Variants in CUL5 observed in about 807,000 individuals in gnomAD.
The protein encoded by CUL5 is cullin-5.
In CUL5, 26 loss-of-function variants were observed where a neutral mutation model predicts 108.8. The observed-to-expected ratio is 0.24, with a 90% CI of 0.18 to 0.33. The LOEUF (loss-of-function observed/expected upper bound fraction) is 0.33, where lower values mean the gene tolerates loss of function less well. CUL5 is among the 10% of genes least tolerant of loss of function. The pLI, the probability that CUL5 is intolerant of heterozygous loss-of-function variation, is 1.00. For synonymous variants in CUL5, 334 were observed against 298.0 expected, an observed-to-expected ratio of 1.12 and a Z score of -1.25; for missense variants, 524 against 909.2, an observed-to-expected ratio of 0.58 and a Z score of 5.45.
At chr11:108,091,706 C>CACACACACACACAT (rs1180290955) in intron 13 of CUL5, among the ~76,000 whole-genome samples, 2 of 149,186 alleles carry the variant, frequency 1.3e-5, no homozygotes, top group Non-Finnish European at 3.0e-5. Flanking sequence ...CACACACACA[C>CACACACACACACAT]ACACACACAC....
chr11:108,009,841 G>C (rs1862019570), intron 1 of CUL5, among the ~76,000 whole-genome samples: 1 of 152,098 alleles, frequency 6.6e-6, no homozygotes, highest in African/African-American at 2.4e-5. Flanking sequence ...GAAATTCCGA[G>C]TCAGACCAGC....
chr11:108,085,057 A>C (rs1864186331), intron 11 of CUL5: 1 of 152,368 alleles, frequency 6.6e-6, no homozygotes. Flanking sequence ...GTATGGCCCA[A>C]CTGTTCTACT....
intron 2 of CUL5, among the ~76,000 whole-genome samples, chr11:108,045,630 G>C (rs1299492699): frequency 6.6e-6 from 1 of 152,138 alleles, no homozygotes. Flanking sequence ...TGGAGACTGA[G>C]GCAGGAGGAT....
intron 1 of CUL5, among the ~76,000 whole-genome samples, chr11:108,028,339 C>G (rs543408361): frequency 2.0e-5 from 3 of 152,152 alleles, no homozygotes; most frequent in Admixed American, 1.3e-4. Flanking sequence ...TCTCATATCT[C>G]AGATGCTTAC....
chr11:108,036,018 T>C (rs1378994244), intron 2 of CUL5, among the ~76,000 whole-genome samples: 2 of 152,180 alleles, frequency 1.3e-5, no homozygotes, highest in Admixed American at 1.3e-4. Flanking sequence ...AAGTCCTTTT[T>C]ACCTTGTCTT....
In CUL5 at chr11:108,046,307, C is replaced by A. The variant is rs1324894552; in HGVS notation, c.172C>A (p.Pro58Thr). 1.9e-6 allele frequency: 3 copies of A among 1,612,764 alleles called. No homozygotes were observed. In the African/African-American group the frequency reaches 4.0e-5, roughly 22 times the overall value. ...AGTCTGTCTTTGGGATGATAAAGGC[C>A]CAGCAAAAATTCATCAGGCTTTAAA... Reference protein sequence around the residue: ...HAVCLWDDKGPAKIHQALKED... With the variant: ...HAVCLWDDKGTAKIHQALKED... Residue 58 changes from proline (P) to threonine (T), a missense_variant, in exon 3 of 19, where the codon CCA (proline) becomes ACA (threonine). This residue lies in a region of CUL5 where 76 missense variants were observed against 90.8 expected (regional missense o/e 0.84). Transcript: ENST00000393094.
chr11:108,099,657 T>C (rs1188787323), intron 18 of CUL5, among the ~76,000 whole-genome samples: 2 of 152,208 alleles, frequency 1.3e-5, no homozygotes, highest in African/African-American at 4.8e-5. Context: ...GTGATAAATA[T>C]ATATACCTAT....
chr11:108,082,555 G>A (rs1864117216), intron 11 of CUL5, among the ~76,000 whole-genome samples: 1 of 152,108 alleles, frequency 6.6e-6, no homozygotes, highest in Non-Finnish European at 1.5e-5. Flanking sequence ...AGGATTACGG[G>A]CAGGAGCTAC....
chr11:108,061,920 T>C (rs180837974), intron 7 of CUL5, among the ~76,000 whole-genome samples: 3 of 152,112 alleles, frequency 2.0e-5, no homozygotes, highest in African/African-American at 7.2e-5. Context: ...AGAGAGAATG[T>C]GCAGGAGAAA....
At chr11:108,012,813 T>C (rs576473787) in intron 1 of CUL5, among the ~76,000 whole-genome samples, 2 of 152,196 alleles carry the variant, frequency 1.3e-5, no homozygotes, top group Admixed American at 1.3e-4. Flanking sequence ...GCCAGGATGG[T>C]CTCAAACTCC....
At chr11:108,018,789 C>T (rs1862263761) in intron 1 of CUL5, among the ~76,000 whole-genome samples, 1 of 151,986 alleles carries the variant, frequency 6.6e-6, no homozygotes, top group African/African-American at 2.4e-5. Flanking sequence ...TTTATGAATC[C>T]CCTATAGATG....
intron 18 of CUL5, among the ~76,000 whole-genome samples, chr11:108,103,030 A>C (rs553401462): frequency 1.3e-5 from 2 of 152,274 alleles, no homozygotes; most frequent in Non-Finnish European, 2.9e-5. Flanking sequence ...TCCTGGACTC[A>C]AGCAATCCAC....
At chr11:108,058,907 G>A (rs1236564247) in intron 7 of CUL5, among the ~76,000 whole-genome samples, 1 of 152,144 alleles carries the variant, frequency 6.6e-6, no homozygotes, top group East Asian at 1.9e-4. Flanking sequence ...TGTAAAACAA[G>A]GTAAGAGGCT....
At chr11:108,044,378 G>C (rs1179743844) in intron 2 of CUL5, among the ~76,000 whole-genome samples, 1 of 151,744 alleles carries the variant, frequency 6.6e-6, no homozygotes, top group East Asian at 1.9e-4. Flanking sequence ...AGCCAGACAT[G>C]GTGGCACATA....
chr11:108,086,281 A>T (rs547910503), intron 11 of CUL5, among the ~76,000 whole-genome samples: 6 of 152,210 alleles, frequency 3.9e-5, no homozygotes, highest in Non-Finnish European at 7.3e-5. Context: ...GCCACGGGGG[A>T]AAAATAACAC....
intron 1 of CUL5, among the ~76,000 whole-genome samples, chr11:108,016,253 G>C (rs936324947): frequency 2.0e-5 from 3 of 149,360 alleles, no homozygotes; most frequent in African/African-American, 4.9e-5. Context: ...TTCTCTTCTC[G>C]TCTTCTCTTC....
intron 2 of CUL5, among the ~76,000 whole-genome samples, chr11:108,042,857 G>C (rs1469955006): frequency 6.6e-6 from 1 of 151,822 alleles, no homozygotes; most frequent in Non-Finnish European, 1.5e-5. Flanking sequence ...CCGCTTCCAG[G>C]GTTCAAGCGA....
intron 2 of CUL5, among the ~76,000 whole-genome samples, chr11:108,034,301 G>C (rs1363237519): frequency 6.6e-6 from 1 of 152,168 alleles, no homozygotes; most frequent in Non-Finnish European, 1.5e-5. Context: ...TACCAGAGAA[G>C]CTTATTGGAG....
At chr11:108,062,792 A>C (rs1487341114) in intron 7 of CUL5, among the ~76,000 whole-genome samples, 2 of 151,964 alleles carry the variant, frequency 1.3e-5, no homozygotes, top group East Asian at 3.9e-4. Context: ...TACTGTAGTC[A>C]CCCTGTTATG....
Sources: gnomAD v4.1 joint callset for allele counts (sites outside exome capture counted in the v4.1 genomes callset) on GRCh38, gnomAD v4.1.1 for gene constraint, gnomAD v4.1.1 regional missense constraint, MANE v1.5 for transcripts, NCBI Gene and HGNC (gene_info 2026-07-23, HGNC 2026-07-21) for gene names.